RERE: variants seen among roughly 807,000 people sequenced by gnomAD.
RERE encodes arginine-glutamic acid dipeptide repeats protein.
Under a neutral mutation model 146.1 loss-of-function variants are expected in RERE, and 40 were observed. The ratio of observed to expected loss-of-function variants is 0.27; its 90% confidence interval spans 0.21 to 0.36. RERE has a LOEUF of 0.36. Among genes scored for constraint, RERE ranks in the 10% least tolerant of loss-of-function variants. The pLI is 1.00. For missense variants in RERE, 1,933 were observed against 2,138.7 expected (o/e 0.90, Z 1.90); for synonymous variants, 1,003 against 866.0 (o/e 1.16, Z -2.78).
At chr1:8,605,798 T>A (rs1400595949) in intron 4 of RERE, among the ~76,000 whole-genome samples, 1 of 138,914 alleles carries the variant, frequency 7.2e-6, no homozygotes, top group African/African-American at 2.7e-5. Flanking sequence ...TAATAGATTA[T>A]CTCCATTACT....
In RERE at chr1:8,488,291, G is replaced by C. The variant is rs192773715; in HGVS notation, c.1104+6772C>G. Among the ~76,000 whole-genome samples the C allele has an allele frequency of 4.2e-3, 637 of 151,966 alleles. 3 individuals carry two copies. The highest frequency in any genetic ancestry group is 0.015 in the African/African-American group (608 of 41,446). On this transcript the variant is annotated intron_variant, in intron 10 of 22. Coordinates refer to ENST00000400908, the MANE Select transcript of RERE (RefSeq NM_001042681.2). ...ACAGAGTTTCACTCTTGTTGCCCAG[G>C]CTAGAATGCAATGGCACGGTTTCGG...
intron 11 of RERE, among the ~76,000 whole-genome samples, chr1:8,452,568 TA>T (rs201965157): frequency 6.7e-6 from 1 of 150,262 alleles, no homozygotes; most frequent in South Asian, 2.1e-4. Flanking sequence ...CTAAGCCAAA[TA>T]AAAAAAAAGT....
At chr1:8,501,147 C>A (rs1645140842) in intron 8 of RERE, among the ~76,000 whole-genome samples, 1 of 149,522 alleles carries the variant, frequency 6.7e-6, no homozygotes, top group South Asian at 2.1e-4. Context: ...GGCCAGCTGC[C>A]CCGTCCGGGA....
intron 1 of RERE, among the ~76,000 whole-genome samples, chr1:8,722,911 G>A (rs1222019264): frequency 6.6e-6 from 1 of 152,206 alleles, no homozygotes; most frequent in African/African-American, 2.4e-5. Flanking sequence ...TATGTAGTTA[G>A]TTTCAGAACC....
intron 2 of RERE, among the ~76,000 whole-genome samples, chr1:8,652,765 C>A (rs887152632): frequency 6.6e-6 from 1 of 152,154 alleles, no homozygotes; most frequent in Non-Finnish European, 1.5e-5. Context: ...CACCTAGTCC[C>A]GACCTTGACA....
chr1:8,726,251 T>C (rs1471779739), intron 1 of RERE, among the ~76,000 whole-genome samples: 2 of 147,262 alleles, frequency 1.4e-5, no homozygotes, highest in African/African-American at 5.1e-5. Context: ...ACCTCCCGAG[T>C]TCAAGCAGTT....
At chr1:8,448,155 T>C (rs907212982) in intron 11 of RERE, among the ~76,000 whole-genome samples, 6 of 152,176 alleles carry the variant, frequency 3.9e-5, no homozygotes, top group African/African-American at 1.4e-4. Context: ...CCTGGAGGCC[T>C]CTGCACACGA....
intron 11 of RERE, among the ~76,000 whole-genome samples, chr1:8,438,775 AAC>A (rs1644205562): frequency 6.6e-6 from 1 of 152,218 alleles, no homozygotes; most frequent in Non-Finnish European, 1.5e-5. Flanking sequence ...GTTCCAGTAA[AAC>A]AGTTAAAGAA....
chr1:8,782,373 T>C (rs1224428650), intron 1 of RERE, among the ~76,000 whole-genome samples: 1 of 152,174 alleles, frequency 6.6e-6, no homozygotes, highest in Non-Finnish European at 1.5e-5. Context: ...CTGACTGTTG[T>C]CTCAGACTTT....
chr1:8,377,621 TA>T (rs1553158421), intron 12 of RERE, among the ~76,000 whole-genome samples: 1 of 152,180 alleles, frequency 6.6e-6, no homozygotes, highest in African/African-American at 2.4e-5. Flanking sequence ...ATAAAACTGT[TA>T]AAACTACCAT....
chr1:8,361,023 A>C lies in RERE; in HGVS notation c.2484T>G (p.Pro828=). ...PHPSPHPPLQ[P]LTGSAGQPSA... ...AAGGCTGGCCCGCCGACCCAGTCAG[A>C]GGCTGCAGCGGGGGATGTGGCGAGG... The change falls in exon 18 of 23, where the codon CCT becomes CCG. Residue 828 remains proline (P), a synonymous_variant. Coordinates refer to ENST00000400908, the MANE Select transcript of RERE (RefSeq NM_001042681.2). The C allele has an allele frequency of 7.0e-7, 1 of 1,429,882 alleles. No homozygotes were observed. The highest frequency in any genetic ancestry group is 9.1e-7 in the Non-Finnish European group (1 of 1,098,040). The allele number at this position is 1,429,882 out of a possible 1,614,324, so 88.6% of individuals were successfully genotyped here. A position where few individuals can be genotyped will look rare whatever the true frequency, so the allele number is the denominator to read the frequency against.
intron 1 of RERE, among the ~76,000 whole-genome samples, chr1:8,661,361 G>A (rs1638453350): frequency 2.0e-5 from 3 of 152,146 alleles, no homozygotes; most frequent in Non-Finnish European, 2.9e-5. Context: ...CCTGGATCCT[G>A]GCAGGCCTCA....
At chr1:8,799,001 T>C (rs1641535913) in intron 1 of RERE, among the ~76,000 whole-genome samples, 1 of 146,548 alleles carries the variant, frequency 6.8e-6, no homozygotes, top group Non-Finnish European at 1.5e-5. Flanking sequence ...CTTTTTGTTT[T>C]TGTTTTTGTT....
At chr1:8,507,022 C>T (rs1645257947) in intron 8 of RERE, among the ~76,000 whole-genome samples, 1 of 152,170 alleles carries the variant, frequency 6.6e-6, no homozygotes. Flanking sequence ...CACAGCAGAG[C>T]CCCAGTCCTG....
intron 12 of RERE, among the ~76,000 whole-genome samples, chr1:8,386,838 G>A (rs779089511): frequency 6.6e-6 from 1 of 152,086 alleles, no homozygotes; most frequent in Non-Finnish European, 1.5e-5. Context: ...GCAACTTTGG[G>A]TGCAGAAGTA....
intron 13 of RERE, among the ~76,000 whole-genome samples, chr1:8,365,325 G>T (rs977119692): frequency 6.6e-6 from 1 of 152,142 alleles, no homozygotes; most frequent in African/African-American, 2.4e-5. Context: ...GTTTTTTAGG[G>T]GTGAGAAGGT....
In RERE at chr1:8,375,716, A is replaced by G. The variant is rs535266770; in HGVS notation, c.1285-9742T>C. On this transcript the variant is annotated intron_variant, in intron 12 of 22. Coordinates refer to ENST00000400908, the MANE Select transcript of RERE (RefSeq NM_001042681.2). ...CAGCAGCCACTGAAAATGCTTCCTC[A>G]CTCAGCAGCCACTGAAAATGCTTCC... is the stretch of plus-strand genomic sequence containing the variant. Among the ~76,000 whole-genome samples the G allele has an allele frequency of 6.9e-4, 80 of 116,382 alleles. 1 individual carries two copies. Among genetic ancestry groups the G allele is most frequent in the South Asian group, 3.0e-3 (10 of 3,322 alleles). The allele number at this position is 116,382 out of a possible 152,430, so 76.4% of individuals were successfully genotyped here.
At chr1:8,651,215 A>C (rs759815469) in intron 2 of RERE, among the ~76,000 whole-genome samples, 64 of 151,832 alleles carry the variant, frequency 4.2e-4, no homozygotes, top group Non-Finnish European at 8.5e-4. Context: ...GGAGTTCAAG[A>C]CCAGCCTGAA....
In RERE at chr1:8,358,607, G is replaced by C. The variant is rs638843; in HGVS notation, c.3928C>G (p.Arg1310Gly). 6.3e-7 allele frequency: 1 copy of C among 1,598,370 alleles called. No individual in the cohort carries two copies. The highest frequency in any genetic ancestry group is 1.1e-5 in the South Asian group (1 of 88,010). The stretch of plus-strand genomic sequence containing the variant: ...TCCCGCTCTCGGATCTCCCGCTCTC[G>C]GATCTCCCGCTCCCGGAGCTCCCGC... Reference protein sequence around the residue: ...RERELREREIREREIRERELR... With the variant: ...RERELREREIGEREIRERELR... Residue 1310 changes from arginine (R) to glycine (G), a missense_variant, in exon 20 of 23, where the codon CGA becomes GGA. Transcript: ENST00000400908.
Sources: allele counts gnomAD v4.1 joint callset (sites outside exome capture counted in the v4.1 genomes callset), GRCh38; gene constraint gnomAD v4.1.1; transcripts MANE v1.5; gene names NCBI Gene and HGNC (gene_info 2026-07-23, HGNC 2026-07-21).